ADCYAP1R1: variants seen among roughly 807,000 people sequenced by gnomAD.
ADCYAP1R1 encodes the protein pituitary adenylate cyclase-activating polypeptide type I receptor.
Under a neutral mutation model 67.6 loss-of-function variants are expected in ADCYAP1R1, and 44 were observed. The ratio of observed to expected loss-of-function variants is 0.65; its 90% confidence interval spans 0.51 to 0.84. The LOEUF is 0.84. Ranked by LOEUF, ADCYAP1R1 falls within the 40% of genes least tolerant of loss-of-function variation. The pLI is 0.00. For synonymous variants in ADCYAP1R1, 222 were observed against 219.6 expected (o/e 1.01, Z -0.10); for missense variants, 477 against 587.9 (o/e 0.81, Z 1.95).
intron 13 of ADCYAP1R1, among the ~76,000 whole-genome samples, chr7:31,095,485 G>A (rs1412416615): frequency 1.3e-5 from 2 of 152,160 alleles, no homozygotes; most frequent in African/African-American, 2.4e-5. Flanking sequence ...GCTGGGAGGT[G>A]TCTGCACTGG....
chr7:31,067,515 C>CT (rs1198109828), intron 3 of ADCYAP1R1, among the ~76,000 whole-genome samples: 1 of 143,686 alleles, frequency 7.0e-6, no homozygotes, highest in Non-Finnish European at 1.5e-5. Flanking sequence ...ACCACAGCAG[C>CT]TGGAGGGTGG....
chr7:31,088,025 C>G (rs1795825089), intron 12 of ADCYAP1R1, among the ~76,000 whole-genome samples: 1 of 152,156 alleles, frequency 6.6e-6, no homozygotes, highest in African/African-American at 2.4e-5. Flanking sequence ...TCCCAAATTG[C>G]TTTGCAAAAA....
chr7:31,101,930 A>G (rs1369873076), intron 13 of ADCYAP1R1, among the ~76,000 whole-genome samples: 1 of 152,140 alleles, frequency 6.6e-6, no homozygotes, highest in Non-Finnish European at 1.5e-5. Context: ...ACCCACACTC[A>G]TGGTCCTCTT....
At chr7:31,077,111 CG>C (rs1394385262) in intron 3 of ADCYAP1R1, among the ~76,000 whole-genome samples, 1 of 152,204 alleles carries the variant, frequency 6.6e-6, no homozygotes, top group Non-Finnish European at 1.5e-5. Flanking sequence ...GGGATATTAC[CG>C]GTGCAGGGCT....
chr7:31,101,605 C>A (rs1796439913), intron 13 of ADCYAP1R1, among the ~76,000 whole-genome samples: 1 of 152,202 alleles, frequency 6.6e-6, no homozygotes, highest in Non-Finnish European at 1.5e-5. Context: ...CTGCAAGCAC[C>A]CTCTGTTGCC....
In ADCYAP1R1 at chr7:31,086,275, C is replaced by G. The variant is rs947543902; in HGVS notation, c.670-109C>G. The G allele has an allele frequency of 5.4e-6, 6 of 1,119,046 alleles. No individual in the cohort carries two copies. The African/African-American group carries it at 9.4e-5, about 18-fold the overall frequency. The allele number at this position is 1,119,046 out of a possible 1,614,324, so 69.3% of individuals were successfully genotyped here. On this transcript the variant is annotated intron_variant, in intron 9 of 15. Transcript: ENST00000304166. The surrounding 1 kb of genome is among the most constrained non-coding windows in gnomAD (Gnocchi z 5.0). ...TCCAGGAATATTGACTCTCTTAGAT[C>G]CTTGGGATGTTTGAACCTGAGCATG...
chr7:31,080,541 A>G, intron 4 of ADCYAP1R1, 72 bp from the exon 5 acceptor site: 1 of 1,495,592 alleles, frequency 6.7e-7, no homozygotes, highest in Non-Finnish European at 9.2e-7. Flanking sequence ...ACCCAAGGAG[A>G]GCAGCCCCTG....
chr7:31,106,933 A>T lies in ADCYAP1R1; in HGVS notation c.*249A>T. On this transcript the variant is annotated 3_prime_UTR_variant, in exon 16 of 16. Coordinates refer to ENST00000304166, the MANE Select transcript of ADCYAP1R1 (RefSeq NM_001118.5). ...TGTAAATACTCCTCAAATTTGGAAA[A>T]GTTGTCCCATCCCTTCCCCCTTTGC... 1 of 483,986 alleles carries T rather than the reference A, an allele frequency of 2.1e-6. No homozygotes were observed. Among genetic ancestry groups the T allele is most frequent in the East Asian group, 3.6e-5 (1 of 27,730 alleles). The allele number at this position is 483,986 out of a possible 1,614,324, so 30.0% of individuals were successfully genotyped here. A position where few individuals can be genotyped will look rare whatever the true frequency, so the allele number is the denominator to read the frequency against.
chr7:31,077,847 G>A, intron 3 of ADCYAP1R1, 144 bp from the exon 4 acceptor site: 1 of 544,298 alleles, frequency 1.8e-6, no homozygotes, highest in Non-Finnish European at 3.3e-6. Flanking sequence ...TGTTGTGTGT[G>A]TGTTGTGTGT....
intron 13 of ADCYAP1R1, among the ~76,000 whole-genome samples, chr7:31,099,775 C>G (rs1185290084): frequency 6.6e-6 from 1 of 152,182 alleles, no homozygotes; most frequent in Non-Finnish European, 1.5e-5. Context: ...AGGCGGGGCT[C>G]TAAGCTTGGA....
chr7:31,070,559 C>A (rs897756422), intron 3 of ADCYAP1R1, among the ~76,000 whole-genome samples: 1 of 152,196 alleles, frequency 6.6e-6, no homozygotes, highest in Non-Finnish European at 1.5e-5. Flanking sequence ...CCAGGCTTCC[C>A]CATCCTTAGA....
chr7:31,087,725 G>T (rs749101531), intron 12 of ADCYAP1R1, 29 bp downstream of exon 12: 2 of 1,599,110 alleles, frequency 1.3e-6, no homozygotes, highest in Admixed American at 1.7e-5. Flanking sequence ...AAGAGGAAGG[G>T]AAGAGACAGG....
At chr7:31,081,896 A>T (rs1795530731) in intron 6 of ADCYAP1R1, 142 bp downstream of exon 6, 1 of 597,164 alleles carries the variant, frequency 1.7e-6, no homozygotes, top group Non-Finnish European at 2.9e-6. Context: ...TTTTTCTCTG[A>T]TAAAGGTACA....
rs977989103 is a variant in ADCYAP1R1 at position 31,067,912 on chromosome 7, G to A, written c.157+2976G>A. Among the ~76,000 whole-genome samples, 9 of 152,338 alleles carry A rather than the reference G, an allele frequency of 5.9e-5. 1 individual carries two copies. In the East Asian group the frequency reaches 1.7e-3, roughly 29 times the overall value. Reference sequence around the variant, plus strand: ...TCTTGGAGTGTTGGGGGTTTCCAGGGCTCCCACCTTCTGCTACATCCCAGT... The same window carrying A: ...TCTTGGAGTGTTGGGGGTTTCCAGGACTCCCACCTTCTGCTACATCCCAGT... On this transcript the variant is annotated intron_variant, in intron 3 of 15. Transcript: ENST00000304166.
chr7:31,080,511 A>G, intron 4 of ADCYAP1R1, 102 bp from the exon 5 acceptor site: 2 of 1,205,066 alleles, frequency 1.7e-6, no homozygotes, highest in South Asian at 2.6e-5. Context: ...GTTGGGAAGG[A>G]GGAGGAAGTG....
intron 13 of ADCYAP1R1, chr7:31,100,066 T>G: frequency 6.1e-6 from 9 of 1,486,822 alleles, no homozygotes; most frequent in Non-Finnish European, 8.3e-6. Flanking sequence ...CCCTGTAAAC[T>G]GAGTTTCTTC....
At chr7:31,090,345 T>G (rs929939983) in intron 12 of ADCYAP1R1, among the ~76,000 whole-genome samples, 2 of 152,226 alleles carry the variant, frequency 1.3e-5, no homozygotes, top group Non-Finnish European at 2.9e-5. Context: ...TTCTCCTTTT[T>G]CATTGACTAA....
intron 3 of ADCYAP1R1, among the ~76,000 whole-genome samples, chr7:31,073,784 G>C (rs981265132): frequency 2.0e-5 from 3 of 152,166 alleles, no homozygotes; most frequent in African/African-American, 7.2e-5. Flanking sequence ...AGCAATGCAG[G>C]CTAGAGGGCT....
chr7:31,081,310 C>T (rs963901008), intron 5 of ADCYAP1R1, among the ~76,000 whole-genome samples: 5 of 152,088 alleles, frequency 3.3e-5, no homozygotes, highest in African/African-American at 4.8e-5. Flanking sequence ...GGTGGAGGGT[C>T]GAGCACCAAA....
Sources: allele counts gnomAD v4.1 joint callset (sites outside exome capture counted in the v4.1 genomes callset), GRCh38; gene constraint gnomAD v4.1.1; non-coding constraint Gnocchi (gnomAD v3.1); transcripts MANE v1.5; gene names NCBI Gene and HGNC (gene_info 2026-07-23, HGNC 2026-07-21).